The following STAG1 variants were observed in gnomAD, a reference collection of about 807,000 sequenced individuals.
STAG1 encodes cohesin subunit SA-1.
A neutral mutation model predicts 170.9 loss-of-function variants in STAG1; 26 were observed. The observed-to-expected ratio is 0.15, with a 90% CI of 0.11 to 0.21. The LOEUF is 0.21. Ranked by LOEUF, STAG1 falls within the 10% of genes least tolerant of loss-of-function variation. The probability of loss-of-function intolerance (pLI) is 1.00; values close to 1 mark genes in which losing one functional copy is unlikely to be tolerated. For missense variants in STAG1, 964 were observed against 1,509.5 expected (o/e 0.64, Z 5.99); for synonymous variants, 514 against 497.7 (o/e 1.03, Z -0.44).
intron 29 of STAG1, among the ~76,000 whole-genome samples, chr3:136,345,458 T>G (rs1049111249): frequency 2.8e-5 from 4 of 142,944 alleles, no homozygotes; most frequent in South Asian, 2.3e-4. Context: ...CCTAGTTGTT[T>G]TTTTTTTTTT....
At chr3:136,422,211 C>T (rs1204975327) in intron 19 of STAG1, among the ~76,000 whole-genome samples, 199 bp downstream of exon 19, 1 of 149,092 alleles carries the variant, frequency 6.7e-6, no homozygotes, top group South Asian at 2.1e-4. Flanking sequence ...GTTTTTATGA[C>T]AGATTTTTAG....
At chr3:136,499,811 C>A (rs530447102) in intron 9 of STAG1, 1 of 152,184 alleles carries the variant, frequency 6.6e-6, no homozygotes, top group African/African-American at 2.4e-5. Context: ...TCTTTTCGCC[C>A]AGCTTCACAC....
intron 1 of STAG1, among the ~76,000 whole-genome samples, chr3:136,673,255 TAGACAAC>T (rs1396768401): frequency 6.6e-6 from 1 of 152,226 alleles, no homozygotes; most frequent in Non-Finnish European, 1.5e-5. Context: ...AGCAAAGGGT[TAGACAAC>T]AGATGGCTAA....
At chr3:136,541,981 C>T in intron 6 of STAG1, 138 bp downstream of exon 6, 1 of 653,220 alleles carries the variant, frequency 1.5e-6, no homozygotes, top group Non-Finnish European at 2.6e-6. Context: ...GAATTAGTAC[C>T]ACAGATTATC....
rs535257545 is a variant in STAG1, at chr3:136,467,211, G to C, written c.1206-2223C>G. On this transcript the variant is annotated intron_variant, in intron 12 of 33. Transcript: ENST00000383202. Reference sequence around the variant, plus strand: ...ATGCTCCAATTAAAAGACACAGACTGGCAAATTGGATAAAGAGTCAAGACC... The same window carrying C: ...ATGCTCCAATTAAAAGACACAGACTCGCAAATTGGATAAAGAGTCAAGACC... 5.9e-5 allele frequency among the ~76,000 whole-genome samples: 9 copies of C among 152,202 alleles called. No homozygotes were observed. In the South Asian group the frequency reaches 1.5e-3, roughly 25 times the overall value.
chr3:136,473,921 C>A (rs953367419), intron 10 of STAG1, among the ~76,000 whole-genome samples: 2 of 152,162 alleles, frequency 1.3e-5, no homozygotes, highest in East Asian at 1.9e-4. Flanking sequence ...TCCAGAGGCA[C>A]AAAGAGAGAA....
intron 22 of STAG1, among the ~76,000 whole-genome samples, chr3:136,392,941 T>C (rs964760234): frequency 6.6e-6 from 1 of 152,050 alleles, no homozygotes; most frequent in Non-Finnish European, 1.5e-5. Flanking sequence ...ACCTTGTATT[T>C]TATAACAAAA....
chr3:136,662,969 T>C (rs1941628247), intron 1 of STAG1, among the ~76,000 whole-genome samples: 1 of 152,108 alleles, frequency 6.6e-6, no homozygotes, highest in African/African-American at 2.4e-5. Flanking sequence ...GAGAATCGCT[T>C]GAACCTGGGA....
chr3:136,662,557 C>T (rs559732109), intron 1 of STAG1, among the ~76,000 whole-genome samples: 3 of 152,166 alleles, frequency 2.0e-5, no homozygotes, highest in African/African-American at 4.8e-5. Flanking sequence ...GAACTTCCCA[C>T]ACCTCAGCCT....
intron 7 of STAG1, among the ~76,000 whole-genome samples, chr3:136,517,254 A>C (rs1226759815): frequency 2.6e-5 from 4 of 152,158 alleles, no homozygotes; most frequent in African/African-American, 9.7e-5. Context: ...AGGAGGGAAA[A>C]AAGAGAATAG....
At chr3:136,358,411 G>C (rs1228219049) in intron 27 of STAG1, among the ~76,000 whole-genome samples, 3 of 152,056 alleles carry the variant, frequency 2.0e-5, no homozygotes, top group African/African-American at 7.2e-5. Context: ...TTAGAGGTAA[G>C]AAGATACCCT....
At chr3:136,661,617 C>T (rs67382287) in intron 1 of STAG1, among the ~76,000 whole-genome samples, 23,907 of 152,106 alleles carry the variant, frequency 0.16, 2,339 homozygotes, top group Non-Finnish European at 0.22. Context: ...CCAAAACCCC[C>T]CCAACCAAAA....
intron 4 of STAG1, among the ~76,000 whole-genome samples, chr3:136,603,715 T>C (rs1938798861): frequency 6.6e-6 from 1 of 151,924 alleles, no homozygotes; most frequent in South Asian, 2.1e-4. Context: ...AAACCCCATC[T>C]CTACTAAAAA....
chr3:136,491,409 C>G (rs1054773534), intron 9 of STAG1, among the ~76,000 whole-genome samples: 2 of 152,160 alleles, frequency 1.3e-5, no homozygotes, highest in Non-Finnish European at 2.9e-5. Flanking sequence ...GTAAACTCCT[C>G]AGTATTACAT....
intron 7 of STAG1, among the ~76,000 whole-genome samples, chr3:136,512,311 T>C (rs1180356977): frequency 6.6e-6 from 1 of 151,530 alleles, no homozygotes; most frequent in Non-Finnish European, 1.5e-5. Context: ...GTCTCGAAAA[T>C]AAAAATAAGC....
chr3:136,737,028 T>C, intron 1 of STAG1: 1 of 1,511,310 alleles, frequency 6.6e-7, no homozygotes, highest in South Asian at 1.1e-5. Context: ...GCTTTTTTAT[T>C]TCTTCATCTG....
intron 15 of STAG1, among the ~76,000 whole-genome samples, chr3:136,438,050 AATGCTCT>A (rs2088509114): frequency 6.6e-6 from 1 of 152,148 alleles, no homozygotes; most frequent in Admixed American, 6.5e-5. Flanking sequence ...TATAAACTAA[AATGCTCT>A]ATATCATCTG....
intron 22 of STAG1, among the ~76,000 whole-genome samples, chr3:136,378,621 T>C (rs1324324590): frequency 6.6e-6 from 1 of 152,148 alleles, no homozygotes; most frequent in African/African-American, 2.4e-5. Flanking sequence ...TGAGACATAA[T>C]TGTGCCACTG....
intron 4 of STAG1, among the ~76,000 whole-genome samples, chr3:136,578,859 G>A (rs1937534794): frequency 6.6e-6 from 1 of 152,050 alleles, no homozygotes; most frequent in South Asian, 2.1e-4. Flanking sequence ...GACATACTTG[G>A]CAACTGGCAG....
Sources: allele counts gnomAD v4.1 joint callset (sites outside exome capture counted in the v4.1 genomes callset), GRCh38; gene constraint gnomAD v4.1.1; transcripts MANE v1.5; gene names NCBI Gene and HGNC (gene_info 2026-07-23, HGNC 2026-07-21).